MICU2: variants seen among roughly 807,000 people sequenced by gnomAD.
MICU2 encodes the protein calcium uptake protein 2, mitochondrial.
MICU2 carries 64 observed loss-of-function variants against 60.4 expected under a neutral mutation model. That is an observed-to-expected ratio of 1.06 (90% CI 0.87 to 1.31). MICU2 has a LOEUF of 1.31. Ranked by LOEUF, MICU2 falls within the 50% of genes most tolerant of loss-of-function variation. The probability of loss-of-function intolerance (pLI) is 0.00; values close to 1 mark genes in which losing one functional copy is unlikely to be tolerated. For missense variants in MICU2, 569 were observed against 531.0 expected (o/e 1.07, Z -0.70); for synonymous variants, 201 against 175.0 (o/e 1.15, Z -1.17).
In MICU2 at chr13:21,502,913, A is replaced by C; in HGVS notation, c.933+13T>G. 1.3e-6 allele frequency: 2 copies of C among 1,593,730 alleles called. No individual in the cohort carries two copies. The highest frequency in any genetic ancestry group is 1.7e-6 in the Non-Finnish European group (2 of 1,173,108). On this transcript the variant is annotated intron_variant, in intron 9 of 11. Transcript: ENST00000382374. ...TCATCTTTATCACATGCATAATAAA[A>C]GGGTATACCAACCTCTCCTGCTGAC...
intron 1 of MICU2, among the ~76,000 whole-genome samples, chr13:21,579,785 T>C (rs1888307820): frequency 6.6e-6 from 1 of 152,178 alleles, no homozygotes; most frequent in African/African-American, 2.4e-5. Flanking sequence ...CAAAAAAATA[T>C]TAAATATATA....
chr13:21,541,557 G>A (rs1217043131), intron 2 of MICU2, among the ~76,000 whole-genome samples: 5 of 152,128 alleles, frequency 3.3e-5, no homozygotes, highest in Admixed American at 6.5e-5. Context: ...ATTTCACAAT[G>A]TCTTCTTATC....
intron 4 of MICU2, among the ~76,000 whole-genome samples, chr13:21,538,275 AT>A (rs1396640946): frequency 6.6e-6 from 1 of 151,860 alleles, no homozygotes; most frequent in African/African-American, 2.4e-5. Context: ...TATCAAAAAT[AT>A]TAAAAAAAAA....
At chr13:21,512,899 G>T (rs142941074) in intron 7 of MICU2, among the ~76,000 whole-genome samples, 87 of 152,224 alleles carry the variant, frequency 5.7e-4, no homozygotes, top group African/African-American at 2.0e-3. Flanking sequence ...TATATGTGGT[G>T]TGAGACAGGA....
rs771624245 is a variant in MICU2, at chr13:21,510,053, A to C, written c.712T>G (p.Phe238Val). 3.2e-6 allele frequency: 5 copies of C among 1,543,620 alleles called. No homozygotes were observed. In the East Asian group the frequency reaches 9.9e-5, roughly 30 times the overall value. ...PEINTTLQMR[F>V]FGKRGQRKLH... ...TTTCTTTGTCCTCTTTTTCCAAAGAAACGCATCTGAAGAGTTGTGTTAATT... is the reference window on the plus strand; with the variant it reads ...TTTCTTTGTCCTCTTTTTCCAAAGACACGCATCTGAAGAGTTGTGTTAATT... Residue 238 changes from phenylalanine (F) to valine (V), a missense_variant, in exon 8 of 12, where the codon TTC becomes GTC. Transcript: ENST00000382374.
At chr13:21,522,874 GGTTTT>G in intron 4 of MICU2, among the ~76,000 whole-genome samples, 1 of 152,266 alleles carries the variant, frequency 6.6e-6, no homozygotes, top group East Asian at 1.9e-4. Context: ...TGTGATGGTT[GGTTTT>G]AAGTGTCAGT....
At chr13:21,603,805 G>C (rs1036155887) in intron 1 of MICU2, 134 bp downstream of exon 1, 1 of 993,164 alleles carries the variant, frequency 1.0e-6, no homozygotes, top group African/African-American at 1.7e-5. Flanking sequence ...ACCAGTCGCA[G>C]GGCGCTCCGA....
At chr13:21,549,536 A>G (rs1319037665) in intron 2 of MICU2, among the ~76,000 whole-genome samples, 5 of 152,202 alleles carry the variant, frequency 3.3e-5, no homozygotes, top group Admixed American at 2.0e-4. Context: ...CCCTAATTAC[A>G]ACCCTTTCAG....
chr13:21,545,790 C>T (rs1887402818), intron 2 of MICU2, among the ~76,000 whole-genome samples: 2 of 152,134 alleles, frequency 1.3e-5, no homozygotes. Context: ...TACAAAATTA[C>T]CGCAAGACTG....
At chr13:21,564,248 T>G (rs1887921392) in intron 2 of MICU2, among the ~76,000 whole-genome samples, 1 of 152,194 alleles carries the variant, frequency 6.6e-6, no homozygotes, top group Non-Finnish European at 1.5e-5. Context: ...AAGTTAGTCA[T>G]GATGTATTTG....
At chr13:21,555,163 T>C (rs373804832) in intron 2 of MICU2, among the ~76,000 whole-genome samples, 2 of 151,742 alleles carry the variant, frequency 1.3e-5, no homozygotes, top group South Asian at 2.1e-4. Flanking sequence ...CTCCCTAACT[T>C]ATTTTATGAG....
intron 1 of MICU2, among the ~76,000 whole-genome samples, chr13:21,598,030 C>T (rs1888733619): frequency 1.4e-5 from 2 of 146,200 alleles, no homozygotes; most frequent in Admixed American, 1.4e-4. Flanking sequence ...TTTATAAATA[C>T]AAATGTAAAT....
intron 8 of MICU2, among the ~76,000 whole-genome samples, chr13:21,505,641 A>T (rs911816732): frequency 6.6e-6 from 1 of 152,142 alleles, no homozygotes; most frequent in African/African-American, 2.4e-5. Context: ...GTTTCTTTTG[A>T]TCCGTGGTAG....
chr13:21,537,608 T>C (rs1887164729), intron 4 of MICU2, among the ~76,000 whole-genome samples: 2 of 152,050 alleles, frequency 1.3e-5, no homozygotes, highest in Admixed American at 1.3e-4. Context: ...TAGCTGGGAT[T>C]ACAGGCACCC....
At chr13:21,547,002 G>C (rs187837112) in intron 2 of MICU2, among the ~76,000 whole-genome samples, 226 of 151,540 alleles carry the variant, frequency 1.5e-3, no homozygotes, top group African/African-American at 5.3e-3. Context: ...TTTTGCATTG[G>C]CTAGACCTTC....
intron 4 of MICU2, among the ~76,000 whole-genome samples, chr13:21,523,813 T>C (rs1886784752): frequency 6.6e-6 from 1 of 152,258 alleles, no homozygotes; most frequent in Non-Finnish European, 1.5e-5. Flanking sequence ...TCACTGACTT[T>C]CACATTTTTA....
intron 2 of MICU2, among the ~76,000 whole-genome samples, chr13:21,541,999 T>G (rs913713956): frequency 5.3e-5 from 8 of 152,130 alleles, no homozygotes; most frequent in African/African-American, 1.9e-4. Flanking sequence ...ATTAAAAGTT[T>G]AGAAGCTAGT....
intron 2 of MICU2, among the ~76,000 whole-genome samples, chr13:21,549,731 T>A (rs1887505812): frequency 1.3e-5 from 2 of 152,212 alleles, no homozygotes; most frequent in South Asian, 4.1e-4. Flanking sequence ...CTAAACGCCT[T>A]ATTTCTCTCT....
intron 2 of MICU2, among the ~76,000 whole-genome samples, chr13:21,548,513 AG>A (rs1442945380): frequency 6.6e-6 from 1 of 152,018 alleles, no homozygotes; most frequent in Non-Finnish European, 1.5e-5. Flanking sequence ...TAGCAGCTAC[AG>A]GTCTTCTCAC....
Sources: gnomAD v4.1 joint callset for allele counts (sites outside exome capture counted in the v4.1 genomes callset) on GRCh38, gnomAD v4.1.1 for gene constraint, MANE v1.5 for transcripts, NCBI Gene and HGNC (gene_info 2026-07-23, HGNC 2026-07-21) for gene names.